WDR49: variants seen among roughly 807,000 people sequenced by gnomAD.
WDR49 encodes the protein cilia- and flagella-associated protein 337.
In WDR49, 107 loss-of-function variants were observed where a neutral mutation model predicts 119.5. The ratio of observed to expected loss-of-function variants is 0.90; its 90% CI spans 0.77 to 1.05. WDR49 has a LOEUF of 1.05. Among genes scored for constraint, WDR49 ranks in the 50% least tolerant of loss-of-function variants. WDR49 has a pLI of 0.00. For missense variants in WDR49, 1,240 were observed against 1,220.5 expected (o/e 1.02, Z -0.24); for synonymous variants, 425 against 418.8 (o/e 1.01, Z -0.18).
chr3:167,636,138 C>A (rs575108358), intron 2 of WDR49, among the ~76,000 whole-genome samples: 1 of 151,546 alleles, frequency 6.6e-6, no homozygotes, highest in East Asian at 1.9e-4. Flanking sequence ...TCCCTGAGTC[C>A]CCAAAGTTCA....
At position 167,642,401 on chromosome 3, in the gene WDR49, A is replaced by C. The variant is rs577545343; in HGVS notation, c.165+10860T>G. On this transcript the variant is annotated intron_variant, in intron 2 of 18. Coordinates refer to ENST00000682715, the MANE Select transcript of WDR49 (RefSeq NM_001366157.1). ...TATACATTACAGAATAAAGCATACA[A>C]ATAAATATATTAGTGCTGCTAGAAC... Among the ~76,000 whole-genome samples the C allele has an allele frequency of 1.2e-4, 18 of 152,160 alleles. No homozygotes were observed. The South Asian group carries it at 1.9e-3, about 16-fold the overall frequency.
chr3:167,490,205 ACT>A, intron 18 of WDR49, among the ~76,000 whole-genome samples: 2 of 152,158 alleles, frequency 1.3e-5, no homozygotes, highest in East Asian at 1.9e-4. Flanking sequence ...TTTTCATATG[ACT>A]CTCAAATAAT....
chr3:167,548,836 T>G (rs1022231074), intron 10 of WDR49, among the ~76,000 whole-genome samples: 1 of 152,016 alleles, frequency 6.6e-6, no homozygotes, highest in Admixed American at 6.6e-5. Context: ...ATGCTATCCC[T>G]CCCCTCTCCC....
intron 18 of WDR49, among the ~76,000 whole-genome samples, chr3:167,489,688 C>T (rs1444720399): frequency 6.6e-6 from 1 of 152,030 alleles, no homozygotes; most frequent in Non-Finnish European, 1.5e-5. Context: ...TGGTCTTTCC[C>T]TTGCCTGCTA....
At chr3:167,539,362 T>C (rs1450439823) in intron 10 of WDR49, among the ~76,000 whole-genome samples, 2 of 152,180 alleles carry the variant, frequency 1.3e-5, no homozygotes, top group East Asian at 3.9e-4. Context: ...TCATTCATGG[T>C]ATACTTTTTC....
At chr3:167,535,690 G>A (rs534882978) in intron 11 of WDR49, among the ~76,000 whole-genome samples, 7 of 152,140 alleles carry the variant, frequency 4.6e-5, no homozygotes, top group African/African-American at 1.7e-4. Flanking sequence ...TGATATGGAG[G>A]AATTGAAAAT....
At position 167,517,301 on chromosome 3, in the gene WDR49, T is replaced by C. The variant is rs917846920; in HGVS notation, c.2774+5014A>G. 2.6e-5 allele frequency among the ~76,000 whole-genome samples: 4 copies of C among 152,130 alleles called. No homozygotes were observed. The East Asian group carries it at 7.7e-4, about 29-fold the overall frequency. On this transcript the variant is annotated intron_variant, in intron 16 of 18. Transcript: ENST00000682715. ...CACGGCTACAGTAACCAAAACAGCA[T>C]AGTACTGGTACAAAAACAGACACAG...
chr3:167,514,968 T>A (rs536869677), intron 16 of WDR49, among the ~76,000 whole-genome samples: 104 of 151,582 alleles, frequency 6.9e-4, no homozygotes, highest in African/African-American at 2.3e-3. Flanking sequence ...CAGTAATGAG[T>A]TTTGAAATTG....
At chr3:167,622,620 T>A (rs898955304) in intron 3 of WDR49, among the ~76,000 whole-genome samples, 3 of 152,064 alleles carry the variant, frequency 2.0e-5, no homozygotes, top group African/African-American at 7.2e-5. Context: ...ATAATAACAG[T>A]GGGATATTTC....
intron 16 of WDR49, 45 bp downstream of exon 16, chr3:167,522,270 A>C: frequency 4.6e-6 from 7 of 1,515,960 alleles, no homozygotes; most frequent in Non-Finnish European, 6.2e-6. Context: ...TCTATGTCTT[A>C]TCTAGACTTC....
chr3:167,532,733 T>C, intron 12 of WDR49, 146 bp downstream of exon 12: 1 of 531,322 alleles, frequency 1.9e-6, no homozygotes, highest in Non-Finnish European at 3.3e-6. Flanking sequence ...TTAGCTACTT[T>C]GGCAAGACAA....
chr3:167,604,171 TA>T, intron 6 of WDR49, 129 bp downstream of exon 6: 1 of 1,060,478 alleles, frequency 9.4e-7, no homozygotes, highest in Non-Finnish European at 1.3e-6. Flanking sequence ...TCTCAGGCAG[TA>T]AAATGTGAGC....
At chr3:167,499,790 C>T (rs1449277373) in intron 18 of WDR49, among the ~76,000 whole-genome samples, 1 of 152,092 alleles carries the variant, frequency 6.6e-6, no homozygotes, top group African/African-American at 2.4e-5. Context: ...AACAAGATTG[C>T]CAGACACTGT....
Position 167,560,160 on chromosome 3 carries a change from CTG to C in WDR49, c.1576_1577del (p.Gln526ValfsTer16), listed in dbSNP as rs746820508. 40 of 1,614,174 alleles carry C rather than the reference CTG, an allele frequency of 2.5e-5. No homozygotes were observed. The East Asian group carries it at 8.2e-4, about 33-fold the overall frequency. On this transcript the variant is annotated frameshift_variant, in exon 9 of 19. Transcript: ENST00000682715. LOFTEE classifies it high-confidence loss of function. ...WMIDTGQKIK[Q>X]FTGCHGNAEI... ...CTGCGTTGCCGTGGCAACCAGTAAA[CTG>C]TTTGATTTTCTGCCCAGTGTCTATC...
At chr3:167,502,694 CAG>C (rs1191155269) in intron 17 of WDR49, among the ~76,000 whole-genome samples, 1 of 152,102 alleles carries the variant, frequency 6.6e-6, no homozygotes, top group Non-Finnish European at 1.5e-5. Flanking sequence ...TTGAACTTAA[CAG>C]TGATAATTTA....
At chr3:167,484,051 A>T (rs1303715429) in intron 18 of WDR49, among the ~76,000 whole-genome samples, 2 of 152,238 alleles carry the variant, frequency 1.3e-5, no homozygotes, top group Non-Finnish European at 2.9e-5. Flanking sequence ...TCATTTATTG[A>T]ACTTGCTTAC....
chr3:167,524,024 G>T (rs776476057), intron 15 of WDR49, among the ~76,000 whole-genome samples: 4 of 152,158 alleles, frequency 2.6e-5, no homozygotes, highest in Non-Finnish European at 4.4e-5. Flanking sequence ...CAGTGTAAAA[G>T]CATTCCTATT....
At chr3:167,574,512 T>A (rs1363908378) in intron 8 of WDR49, among the ~76,000 whole-genome samples, 1 of 152,250 alleles carries the variant, frequency 6.6e-6, no homozygotes, top group East Asian at 1.9e-4. Flanking sequence ...TCATTATTTA[T>A]GTTATTCACA....
At chr3:167,480,518 T>C (rs767483344) in intron 18 of WDR49, among the ~76,000 whole-genome samples, 7 of 152,162 alleles carry the variant, frequency 4.6e-5, no homozygotes, top group Non-Finnish European at 1.0e-4. Flanking sequence ...GTGTAAACTA[T>C]ACTGTAGAGA....
Sources: gnomAD v4.1 joint callset for allele counts (sites outside exome capture counted in the v4.1 genomes callset) on GRCh38, gnomAD v4.1.1 for gene constraint, MANE v1.5 for transcripts, NCBI Gene and HGNC (gene_info 2026-07-23, HGNC 2026-07-21) for gene names.